NHS: variants seen among roughly 807,000 people sequenced by gnomAD.
NHS encodes the protein actin remodeling regulator NHS.
NHS carries 5 observed loss-of-function variants against 72.5 expected under a neutral mutation model. The observed-to-expected ratio is 0.07, with a 90% CI of 0.04 to 0.14. The LOEUF (loss-of-function observed/expected upper bound fraction) is 0.14. NHS is among the 10% of genes least tolerant of loss of function. NHS has a pLI of 1.00. For missense variants in NHS, 1,072 were observed against 1,355.7 expected, an observed-to-expected ratio of 0.79 and a Z score of 3.29; for synonymous variants, 464 against 547.7, an observed-to-expected ratio of 0.85 and a Z score of 2.13.
intron 1 of NHS, among the ~76,000 whole-genome samples, chrX:17,451,450 C>T (rs776997710): frequency 8.9e-6 from 1 of 112,426 alleles, no homozygotes; most frequent in Non-Finnish European, 1.9e-5. Context: ...TTAATGAATG[C>T]GTGTCATGCA....
At chrX:17,720,814 C>T (rs2066401866) in intron 4 of NHS, among the ~76,000 whole-genome samples, 2 of 112,470 alleles carry the variant, frequency 1.8e-5, no homozygotes, top group Admixed American at 9.4e-5. Context: ...GTGTATTTTC[C>T]GCTATCGTTG....
At chrX:17,422,803 G>C (rs1351266100) in intron 1 of NHS, among the ~76,000 whole-genome samples, 1 of 111,610 alleles carries the variant, frequency 9.0e-6, no homozygotes, top group African/African-American at 3.3e-5. Context: ...GGACGAGTAG[G>C]GAAGGTGGGC....
intron 1 of NHS, among the ~76,000 whole-genome samples, chrX:17,421,612 T>C (rs1222923412): frequency 9.0e-6 from 1 of 111,248 alleles, no homozygotes; most frequent in African/African-American, 3.3e-5. Flanking sequence ...AGTCTTGCTC[T>C]GTCGCCCATG....
intron 1 of NHS, among the ~76,000 whole-genome samples, chrX:17,605,402 C>T (rs186024834): frequency 4.5e-5 from 5 of 111,436 alleles, no homozygotes; most frequent in African/African-American, 1.6e-4. Flanking sequence ...AGATGCTAAG[C>T]GAGAAACTAG....
At chrX:17,517,920 C>T (rs2065128866) in intron 1 of NHS, among the ~76,000 whole-genome samples, 2 of 111,938 alleles carry the variant, frequency 1.8e-5, no homozygotes, top group South Asian at 7.5e-4. Flanking sequence ...TGTGTCTCAT[C>T]CATATTCCCT....
chrX:17,513,968 T>C (rs890834151), intron 1 of NHS, among the ~76,000 whole-genome samples: 3 of 111,969 alleles, frequency 2.7e-5, no homozygotes, highest in Non-Finnish European at 5.6e-5. Flanking sequence ...GGCCTCACAA[T>C]CATGGCAGAA....
At chrX:17,538,323 G>A (rs993352602) in intron 1 of NHS, among the ~76,000 whole-genome samples, 1 of 111,800 alleles carries the variant, frequency 8.9e-6, no homozygotes, top group African/African-American at 3.3e-5. Flanking sequence ...GAGGAATGGA[G>A]CAAATGCTCT....
intron 1 of NHS, among the ~76,000 whole-genome samples, chrX:17,417,985 A>G (rs1027927244): frequency 1.5e-4 from 17 of 112,281 alleles, no homozygotes; most frequent in Non-Finnish European, 3.2e-4. Flanking sequence ...GGTCAGGATT[A>G]TGCTTGACAC....
intron 1 of NHS, among the ~76,000 whole-genome samples, chrX:17,419,700 C>T (rs1364268244): frequency 9.0e-6 from 1 of 111,135 alleles, no homozygotes; most frequent in East Asian, 2.8e-4. Context: ...TTAGTCATGG[C>T]CGTGAATCGC....
At chrX:17,563,135 A>G (rs889014762) in intron 1 of NHS, among the ~76,000 whole-genome samples, 1 of 112,474 alleles carries the variant, frequency 8.9e-6, no homozygotes, top group Non-Finnish European at 1.9e-5. Context: ...GGGCCACAGG[A>G]CAAACATCTG....
In NHS at chrX:17,591,659, C is replaced by T. The variant is rs766333285; in HGVS notation, c.566-96083C>T. 3.2e-4 allele frequency among the ~76,000 whole-genome samples: 36 copies of T among 111,539 alleles called. No individual in the cohort carries two copies. The South Asian group carries it at 0.013, about 41-fold the overall frequency. ...CACCAACTAATGTGTGACCCCGGAT[C>T]ACACTGCTTGCCCCACAAATCCATA... On this transcript the variant is annotated intron_variant, in intron 1 of 8. Coordinates refer to ENST00000676302, the MANE Select transcript of NHS (RefSeq NM_001291867.2).
chrX:17,716,824 C>T (rs1472395052), intron 3 of NHS, among the ~76,000 whole-genome samples: 1 of 111,350 alleles, frequency 9.0e-6, no homozygotes, highest in Non-Finnish European at 1.9e-5. Context: ...GCCCAGCATC[C>T]ATCCTTGCTT....
chrX:17,733,117 T>C lies in NHS; in HGVS notation c.*653T>C, dbSNP rs2066500034. 1 of 113,690 alleles carries C rather than the reference T, an allele frequency of 8.8e-6. No individual in the cohort carries two copies. 9.4% of individuals were successfully genotyped at this position (113,690 alleles called of 1,213,427 possible). ...ATTTCTGAGTGGTAAACCTCAAATA[T>C]GAATTTTAAACTGGTGAACTAAAGG... On this transcript the variant is annotated 3_prime_UTR_variant, in exon 9 of 9. Coordinates refer to ENST00000676302, the MANE Select transcript of NHS (RefSeq NM_001291867.2).
intron 1 of NHS, among the ~76,000 whole-genome samples, chrX:17,479,936 C>G (rs1280586405): frequency 5.4e-5 from 6 of 111,989 alleles, no homozygotes; most frequent in Middle Eastern, 4.6e-3. Flanking sequence ...GTTGCCATTG[C>G]TTTCCATGTT....
At chrX:17,599,352 A>G (rs1325144155) in intron 1 of NHS, among the ~76,000 whole-genome samples, 1 of 111,966 alleles carries the variant, frequency 8.9e-6, no homozygotes, top group Non-Finnish European at 1.9e-5. Context: ...GCAGTGTGCA[A>G]GAGTTCCAGT....
At chrX:17,579,559 AC>A (rs778912007) in intron 1 of NHS, among the ~76,000 whole-genome samples, 1 of 111,560 alleles carries the variant, frequency 9.0e-6, no homozygotes, top group South Asian at 3.8e-4. Flanking sequence ...ACATCAGGCA[AC>A]CAGGCTAATG....
rs1003718086 is a variant in NHS at position 17,713,952 on chromosome X, T to A, written c.853-5392T>A. On this transcript the variant is annotated intron_variant, in intron 3 of 8. Coordinates refer to ENST00000676302, the MANE Select transcript of NHS (RefSeq NM_001291867.2). Reference sequence around the variant, plus strand: ...AACTCATGGGAAGCTAGGGAAAGGATTTGAGGATATGACTGATGAGGCCAG... The same window carrying A: ...AACTCATGGGAAGCTAGGGAAAGGAATTGAGGATATGACTGATGAGGCCAG... Among the ~76,000 whole-genome samples the A allele has an allele frequency of 2.7e-5, 3 of 111,219 alleles. No individual in the cohort carries two copies. The East Asian group carries it at 8.5e-4, about 32-fold the overall frequency.
chrX:17,476,594 G>C (rs1164240965), intron 1 of NHS, among the ~76,000 whole-genome samples: 1 of 111,271 alleles, frequency 9.0e-6, no homozygotes, highest in Non-Finnish European at 1.9e-5. Context: ...GTGTGGGTGT[G>C]TGTGTGGGGG....
intron 1 of NHS, among the ~76,000 whole-genome samples, chrX:17,561,886 G>A (rs1275194043): frequency 1.8e-5 from 2 of 109,294 alleles, no homozygotes; most frequent in African/African-American, 3.3e-5. Flanking sequence ...ACTGGGGCAC[G>A]TTTGTCTAAT....
Sources: gnomAD v4.1 joint callset for allele counts (sites outside exome capture counted in the v4.1 genomes callset) on GRCh38, gnomAD v4.1.1 for gene constraint, MANE v1.5 for transcripts, NCBI Gene and HGNC (gene_info 2026-07-23, HGNC 2026-07-21) for gene names.